SHROOM3: variants seen among roughly 807,000 people sequenced by gnomAD.
The protein encoded by SHROOM3 is protein Shroom3.
Under a neutral mutation model 138.6 loss-of-function variants are expected in SHROOM3, and 47 were observed. That is an observed-to-expected ratio of 0.34 (90% CI 0.27 to 0.43). The LOEUF (loss-of-function observed/expected upper bound fraction) is 0.43. Ranked by LOEUF, SHROOM3 falls within the 20% of genes least tolerant of loss-of-function variation. The pLI is 1.00. For missense variants in SHROOM3, 2,491 were observed against 2,596.5 expected (o/e 0.96, Z 0.88); for synonymous variants, 1,062 against 1,063.3 (o/e 1.00, Z 0.02).
chr4:76,640,143 G>A (rs1362771794), intron 2 of SHROOM3, among the ~76,000 whole-genome samples: 2 of 152,060 alleles, frequency 1.3e-5, no homozygotes, highest in Non-Finnish European at 2.9e-5. Flanking sequence ...CATAGTTCAC[G>A]CTCAAAGAAT....
chr4:76,456,359 G>A (rs1391896449), intron 1 of SHROOM3, among the ~76,000 whole-genome samples: 4 of 152,096 alleles, frequency 2.6e-5, no homozygotes, highest in South Asian at 4.1e-4. Context: ...TACAATGCAC[G>A]CACATCACTT....
chr4:76,755,335 T>C, intron 7 of SHROOM3, 143 bp downstream of exon 7: 1 of 1,053,230 alleles, frequency 9.5e-7, no homozygotes, highest in Non-Finnish European at 1.4e-6. Context: ...GTTGATCTGT[T>C]TGCCTCAGGA....
chr4:76,761,191 A>ACC (rs59844670), intron 9 of SHROOM3, among the ~76,000 whole-genome samples: 13,463 of 151,402 alleles, frequency 0.089, 738 homozygotes, highest in African/African-American at 0.16. Context: ...TTTCCTTCCA[A>ACC]CCCTCTTTTA....
chr4:76,734,771 A>G (rs6820254), intron 4 of SHROOM3, among the ~76,000 whole-genome samples: 85,965 of 152,070 alleles, frequency 0.57, 24,795 homozygotes, highest in Middle Eastern at 0.65. Context: ...TTTTATGTTC[A>G]CTTCAGTTCT....
chr4:76,481,697 C>CA lies in SHROOM3; in HGVS notation c.168+45483dup, dbSNP rs546273911. 3.9e-3 allele frequency among the ~76,000 whole-genome samples: 589 copies of CA among 152,232 alleles called. 4 individuals carry two copies. Among genetic ancestry groups the CA allele is most frequent in the African/African-American group, 0.013 (553 of 41,536 alleles). On this transcript the variant is annotated intron_variant, in intron 1 of 10. Transcript: ENST00000296043. ...ATACCAAAGTCTGGCAGAGACACAA[C>CA]AAAAAATGAAAATTTCAGGCCAATA...
intron 10 of SHROOM3, among the ~76,000 whole-genome samples, chr4:76,772,651 CA>C (rs1722403059): frequency 6.6e-6 from 1 of 152,160 alleles, no homozygotes. Context: ...CTACCTAACT[CA>C]GAAGTGTGTC....
At chr4:76,735,494 A>G (rs1047899256) in intron 4 of SHROOM3, among the ~76,000 whole-genome samples, 3 of 152,014 alleles carry the variant, frequency 2.0e-5, no homozygotes, top group Non-Finnish European at 4.4e-5. Context: ...CACTGGTCTG[A>G]TTAGAGATAT....
intron 1 of SHROOM3, among the ~76,000 whole-genome samples, chr4:76,460,654 C>T (rs1731120989): frequency 6.6e-6 from 1 of 151,740 alleles, no homozygotes; most frequent in East Asian, 1.9e-4. Context: ...GGTCTTTCCT[C>T]TGTGCCCCCA....
At chr4:76,553,075 A>G (rs1041783065) in intron 1 of SHROOM3, among the ~76,000 whole-genome samples, 1 of 152,230 alleles carries the variant, frequency 6.6e-6, no homozygotes, top group African/African-American at 2.4e-5. Context: ...TTATAGCCCA[A>G]GCACTTGGAA....
At chr4:76,713,901 G>A (rs1720301813) in intron 3 of SHROOM3, among the ~76,000 whole-genome samples, 1 of 152,084 alleles carries the variant, frequency 6.6e-6, no homozygotes, top group Non-Finnish European at 1.5e-5. Context: ...TAATTTTCCT[G>A]TCCCCCAAGA....
intron 1 of SHROOM3, among the ~76,000 whole-genome samples, chr4:76,497,695 T>C (rs1159216697): frequency 6.6e-6 from 1 of 151,998 alleles, no homozygotes; most frequent in Admixed American, 6.6e-5. Flanking sequence ...CTGTCTCTAC[T>C]AAAAATACAA....
At chr4:76,681,133 C>A (rs992865966) in intron 2 of SHROOM3, among the ~76,000 whole-genome samples, 1 of 152,240 alleles carries the variant, frequency 6.6e-6, no homozygotes, top group African/African-American at 2.4e-5. Flanking sequence ...AGTGATGTCA[C>A]TTGCAGTTCC....
At chr4:76,605,532 C>A (rs138176292) in intron 2 of SHROOM3, among the ~76,000 whole-genome samples, 1 of 151,980 alleles carries the variant, frequency 6.6e-6, no homozygotes, top group East Asian at 1.9e-4. Flanking sequence ...CTTGGGTAAG[C>A]AGAAATTAAA....
At chr4:76,606,102 C>T (rs1441903786) in intron 2 of SHROOM3, among the ~76,000 whole-genome samples, 1 of 147,596 alleles carries the variant, frequency 6.8e-6, no homozygotes, top group African/African-American at 2.5e-5. Context: ...CAACCTCCAC[C>T]TCCCGGATTC....
intron 1 of SHROOM3, among the ~76,000 whole-genome samples, chr4:76,549,575 G>C (rs1733303382): frequency 6.6e-6 from 1 of 152,042 alleles, no homozygotes; most frequent in South Asian, 2.1e-4. Context: ...CACCATGTTG[G>C]TCAGGCTGGT....
intron 3 of SHROOM3, among the ~76,000 whole-genome samples, chr4:76,717,227 A>C (rs9307163): frequency 6.6e-6 from 1 of 152,094 alleles, no homozygotes; most frequent in African/African-American, 2.4e-5. Flanking sequence ...TTGCTCCCCT[A>C]TAGGTGAGGT....
intron 1 of SHROOM3, among the ~76,000 whole-genome samples, chr4:76,453,435 C>A (rs761523117): frequency 5.9e-5 from 9 of 152,070 alleles, no homozygotes; most frequent in Admixed American, 2.6e-4. Flanking sequence ...CATGCCACAA[C>A]ACCTGGCTAT....
intron 2 of SHROOM3, among the ~76,000 whole-genome samples, chr4:76,683,187 T>G (rs1015394524): frequency 4.0e-5 from 6 of 150,298 alleles, no homozygotes. Flanking sequence ...TGCTGAATAG[T>G]TTTTTTTTCA....
chr4:76,635,131 A>T (rs4133294), intron 2 of SHROOM3, among the ~76,000 whole-genome samples: 53,823 of 151,966 alleles, frequency 0.35, 9,975 homozygotes, highest in East Asian at 0.52. Context: ...CTTCAAAATT[A>T]CCCTGGAAGA....
Sources: gnomAD v4.1 joint callset for allele counts (sites outside exome capture counted in the v4.1 genomes callset) on GRCh38, gnomAD v4.1.1 for gene constraint, MANE v1.5 for transcripts, NCBI Gene and HGNC (gene_info 2026-07-23, HGNC 2026-07-21) for gene names.